Variants in MED12L observed in about 807,000 individuals in gnomAD.
MED12L encodes the protein mediator of RNA polymerase II transcription subunit 12-like protein.
In MED12L, 60 loss-of-function variants were observed where a neutral mutation model predicts 281.3. That is an observed-to-expected ratio of 0.21 (90% confidence interval 0.17 to 0.26). MED12L has a LOEUF of 0.26. Ranked by LOEUF, MED12L falls within the 10% of genes least tolerant of loss-of-function variation. The pLI, the probability that MED12L is intolerant of heterozygous loss-of-function variation, is 1.00. For missense variants in MED12L, 2,146 were observed against 2,680.9 expected, an observed-to-expected ratio of 0.80 and a Z score of 4.41; for synonymous variants, 974 against 987.2, an observed-to-expected ratio of 0.99 and a Z score of 0.25.
intron 16 of MED12L, chr3:151,328,385 A>G: frequency 6.2e-7 from 1 of 1,613,750 alleles, no homozygotes; most frequent in Non-Finnish European, 8.5e-7. Context: ...AAACACAAGC[A>G]TTAGGATAAA....
intron 3 of MED12L, among the ~76,000 whole-genome samples, chr3:151,119,876 A>C (rs1319360589): frequency 1.3e-5 from 2 of 152,132 alleles, no homozygotes; most frequent in African/African-American, 4.8e-5. Context: ...TTATCAAATG[A>C]ATTATTTTTG....
At chr3:151,344,589 A>G (rs1268154225) in intron 16 of MED12L, among the ~76,000 whole-genome samples, 1 of 152,204 alleles carries the variant, frequency 6.6e-6, no homozygotes, top group Non-Finnish European at 1.5e-5. Flanking sequence ...ATAGGTTGCT[A>G]TGTGCAGTTT....
chr3:151,208,880 G>T (rs145913577), intron 16 of MED12L, among the ~76,000 whole-genome samples: 1 of 152,078 alleles, frequency 6.6e-6, no homozygotes, highest in Non-Finnish European at 1.5e-5. Context: ...AGTAGTGCAG[G>T]TATGGGCTTC....
intron 16 of MED12L, among the ~76,000 whole-genome samples, chr3:151,250,836 A>G (rs1736714496): frequency 6.6e-6 from 1 of 152,170 alleles, no homozygotes; most frequent in South Asian, 2.1e-4. Context: ...TTCTAAAGGA[A>G]TTGCTGTTTT....
At chr3:151,099,431 A>C (rs1281522527) in intron 2 of MED12L, among the ~76,000 whole-genome samples, 1 of 152,190 alleles carries the variant, frequency 6.6e-6, no homozygotes, top group East Asian at 1.9e-4. Context: ...ATAGTCAACC[A>C]ATTTCATGTT....
intron 16 of MED12L, among the ~76,000 whole-genome samples, chr3:151,286,595 G>A (rs1047197504): frequency 6.6e-6 from 1 of 152,138 alleles, no homozygotes. Context: ...TTCACAGGAG[G>A]GGGAGCTTCT....
At chr3:151,329,477 TCACC>T in intron 16 of MED12L, 2 of 1,538,176 alleles carry the variant, frequency 1.3e-6, no homozygotes, top group Non-Finnish European at 8.8e-7. Context: ...AAATTGAAAT[TCACC>T]TTTGGGAGGA....
In MED12L at chr3:151,355,136, A is replaced by C; in HGVS notation, c.2414A>C (p.Gln805Pro). 6.2e-7 allele frequency: 1 copy of C among 1,613,672 alleles called. No individual in the cohort carries two copies. Among genetic ancestry groups the C allele is most frequent in the Non-Finnish European group, 8.5e-7 (1 of 1,179,666 alleles). ...GTTTATGTAGTTGGGGACGAAGGACAAAAAGCCAGGAAGAACAAACAGGAG... is the reference window on the plus strand; with the variant it reads ...GTTTATGTAGTTGGGGACGAAGGACCAAAAGCCAGGAAGAACAAACAGGAG... ...TTETGVGDEG[Q>P]KARKNKQETF... Residue 805 changes from glutamine to proline, a missense_variant, in exon 18 of 45, where the codon CAA becomes CCA. Gln to Pro is a moderately conservative substitution (Grantham distance 76). This residue lies in a region of MED12L where 404 missense variants were observed against 603.5 expected (regional missense o/e 0.67). Coordinates refer to ENST00000687756, the MANE Select transcript of MED12L (RefSeq NM_001393769.1).
chr3:151,137,147 G>C lies in MED12L; in HGVS notation c.556+9163G>C, dbSNP rs185730761. Among the ~76,000 whole-genome samples the C allele has an allele frequency of 2.5e-3, 349 of 141,616 alleles. 4 individuals are homozygous for C. Among genetic ancestry groups the C allele is most frequent in the African/African-American group, 8.8e-3 (330 of 37,354 alleles). 92.9% of individuals were successfully genotyped at this position (141,616 alleles called of 152,430 possible). A position where few individuals can be genotyped will look rare whatever the true frequency, so the allele number is the denominator to read the frequency against. ...ACTGCACTCCAGCCTGGTAACAGAG[G>C]TAGACTCCGTCTCAAAAAAAAAAAG... On this transcript the variant is annotated intron_variant, in intron 5 of 44. Transcript: ENST00000687756.
chr3:151,152,884 T>G (rs1560098922), intron 5 of MED12L, among the ~76,000 whole-genome samples: 1 of 152,170 alleles, frequency 6.6e-6, no homozygotes, highest in Non-Finnish European at 1.5e-5. Flanking sequence ...TTTGTGAGCC[T>G]CACTTCATTT....
intron 12 of MED12L, among the ~76,000 whole-genome samples, chr3:151,185,940 CAT>C (rs1477585998): frequency 2.0e-5 from 3 of 152,042 alleles, no homozygotes; most frequent in Admixed American, 2.0e-4. Context: ...GTACACAAAA[CAT>C]ACACACACAT....
At chr3:151,167,542 C>A (rs1387098710) in intron 11 of MED12L, among the ~76,000 whole-genome samples, 1 of 152,124 alleles carries the variant, frequency 6.6e-6, no homozygotes, top group East Asian at 1.9e-4. Context: ...GATTATTATT[C>A]TTTTTGGAAT....
intron 25 of MED12L, among the ~76,000 whole-genome samples, chr3:151,368,646 T>TG (rs1755674761): frequency 3.1e-5 from 2 of 64,494 alleles, no homozygotes; most frequent in Admixed American, 3.2e-4. Flanking sequence ...TTTCATTTCA[T>TG]TTCATTTCAT....
intron 16 of MED12L, among the ~76,000 whole-genome samples, chr3:151,324,980 T>C (rs934876106): frequency 2.0e-5 from 3 of 152,238 alleles, no homozygotes; most frequent in Non-Finnish European, 4.4e-5. Flanking sequence ...TTAATATCTG[T>C]GTGAACTTTG....
chr3:151,089,048 A>G (rs916037222), intron 2 of MED12L, among the ~76,000 whole-genome samples: 3 of 151,426 alleles, frequency 2.0e-5, no homozygotes, highest in African/African-American at 7.3e-5. Context: ...TTTATGTCCT[A>G]CCTCCCTCAA....
intron 2 of MED12L, among the ~76,000 whole-genome samples, chr3:151,100,714 C>G (rs146728459): frequency 1.3e-5 from 2 of 152,302 alleles, no homozygotes; most frequent in African/African-American, 4.8e-5. Context: ...TAAACTCCCT[C>G]TTGAAAAAGA....
chr3:151,301,753 A>G (rs1456151040), intron 16 of MED12L, among the ~76,000 whole-genome samples: 1 of 152,208 alleles, frequency 6.6e-6, no homozygotes, highest in Non-Finnish European at 1.5e-5. Context: ...GACAGTAACA[A>G]GTGTTGCTGA....
chr3:151,363,781 A>C (rs1192690466), intron 21 of MED12L, among the ~76,000 whole-genome samples: 1 of 152,154 alleles, frequency 6.6e-6, no homozygotes, highest in African/African-American at 2.4e-5. Flanking sequence ...CTATACACCC[A>C]CAGTGGAGGC....
At chr3:151,162,555 C>T (rs965596699) in intron 8 of MED12L, among the ~76,000 whole-genome samples, 4 of 151,610 alleles carry the variant, frequency 2.6e-5, no homozygotes, top group African/African-American at 9.7e-5. Context: ...CCTCCCCCCT[C>T]AGCCTCCTTA....
Sources: gnomAD v4.1 joint callset for allele counts (sites outside exome capture counted in the v4.1 genomes callset) on GRCh38, gnomAD v4.1.1 for gene constraint, gnomAD v4.1.1 regional missense constraint, MANE v1.5 for transcripts, NCBI Gene and HGNC (gene_info 2026-07-23, HGNC 2026-07-21) for gene names.